KANK3: variants seen among roughly 807,000 people sequenced by gnomAD.
KANK3 encodes KN motif and ankyrin repeat domain-containing protein 3.
In KANK3, 61 loss-of-function variants were observed where a neutral mutation model predicts 65.4. The ratio of observed to expected loss-of-function variants is 0.93; its 90% CI spans 0.76 to 1.15. KANK3 has a LOEUF of 1.15. Among genes scored for constraint, KANK3 ranks in the 50% most tolerant of loss-of-function variants. The pLI, the probability that KANK3 is intolerant of heterozygous loss-of-function variation, is 0.00. For synonymous variants in KANK3, 586 were observed against 543.3 expected, an observed-to-expected ratio of 1.08 and a Z score of -1.09; for missense variants, 1,187 against 1,178.8, an observed-to-expected ratio of 1.01 and a Z score of -0.10.
Position 8,322,941 on chromosome 19 carries a change from A to T in KANK3, c.2383-19T>A. 7.3e-7 allele frequency: 1 copy of T among 1,372,412 alleles called. No homozygotes were observed. Among genetic ancestry groups the T allele is most frequent in the South Asian group, 1.4e-5 (1 of 71,572 alleles). 85.0% of individuals were successfully genotyped at this position (1,372,412 alleles called of 1,614,324 possible). On this transcript the variant is annotated intron_variant, in intron 10 of 10. Coordinates refer to ENST00000330915, the MANE Select transcript of KANK3 (RefSeq NM_198471.3). ...ACTCGCTCTGGAGAGAGGGGAAAAG[A>T]GGGGGGCCTGCTGCAATCTCCTTGA...
intron 10 of KANK3, 81 bp downstream of exon 10, chr19:8,324,368 G>T: frequency 1.6e-6 from 2 of 1,288,226 alleles, no homozygotes; most frequent in Non-Finnish European, 2.2e-6. Context: ...GAGCAGAAAG[G>T]GAGGCTCAGG....
chr19:8,331,679 G>A (rs1448345974), intron 7 of KANK3, among the ~76,000 whole-genome samples: 1 of 152,144 alleles, frequency 6.6e-6, no homozygotes, highest in East Asian at 1.9e-4. Flanking sequence ...CCCAGGAGGA[G>A]TCAGAGCCCT....
At chr19:8,342,948 G>C (rs1045610088) in intron 1 of KANK3, among the ~76,000 whole-genome samples, 13 of 152,164 alleles carry the variant, frequency 8.5e-5, no homozygotes, top group Admixed American at 1.3e-4. Flanking sequence ...TCCCAGGGCC[G>C]GTTGTGGCAT....
intron 9 of KANK3, 31 bp downstream of exon 9, chr19:8,324,599 C>T (rs1970385678): frequency 6.2e-7 from 1 of 1,612,632 alleles, no homozygotes; most frequent in Non-Finnish European, 8.5e-7. Context: ...TGGGCACCCC[C>T]CAAGATGCCA....
chr19:8,324,883 G>A (rs1970395143), intron 8 of KANK3, 53 bp from the exon 9 acceptor site: 1 of 1,558,612 alleles, frequency 6.4e-7, no homozygotes, highest in Non-Finnish European at 8.7e-7. Flanking sequence ...AGGGAAGGGA[G>A]GTCACAGGTT....
chr19:8,333,038 T>A lies in KANK3; in HGVS notation c.1912A>T (p.Ile638Phe). The A allele has an allele frequency of 1.5e-6, 2 of 1,337,886 alleles. No individual in the cohort carries two copies. The highest frequency in any genetic ancestry group is 2.0e-6 in the Non-Finnish European group (2 of 1,009,678). 82.9% of individuals were successfully genotyped at this position (1,337,886 alleles called of 1,614,324 possible). A position where few individuals can be genotyped will look rare whatever the true frequency, so the allele number is the denominator to read the frequency against. ...HYSVSHGNLAIASLLLDTGAC... is the reference protein window; with the variant it reads ...HYSVSHGNLAFASLLLDTGAC... ...CCCGTATCCAGGAGCAGGCTTGCGA[T>A]GGCCAGGTTCCCGTGGGACACACTG... is the stretch of plus-strand genomic sequence containing the variant. Residue 638 changes from isoleucine to phenylalanine, a missense_variant, in exon 7 of 11, where the codon ATC becomes TTC. Ile to Phe is a conservative substitution (Grantham distance 21, BLOSUM62 0). Transcript: ENST00000330915. This position sits in a 1 kb window ranked among gnomAD's most constrained non-coding sequence, Gnocchi z 5.0.
rs79602012 is a variant in KANK3 at position 8,322,790 on chromosome 19, G to A, written c.*49C>T. 3,793 of 1,405,014 alleles carry A rather than the reference G, an allele frequency of 2.7e-3. 80 individuals carry two copies. The African/African-American group carries it at 0.044, about 16-fold the overall frequency. 87.0% of individuals were successfully genotyped at this position (1,405,014 alleles called of 1,614,324 possible). ...CTGTGCGCCAAAGGCTGAGGTGACT[G>A]ACGAGGAGATCTCCCCACAGCTAGG... is the stretch of plus-strand genomic sequence containing the variant. On this transcript the variant is annotated 3_prime_UTR_variant, in exon 11 of 11. Coordinates refer to ENST00000330915, the MANE Select transcript of KANK3 (RefSeq NM_198471.3).
At position 8,337,802 on chromosome 19, in the gene KANK3, G is replaced by C; in HGVS notation, c.27C>G (p.Asn9Lys). Residue 9 changes from asparagine to lysine, a missense_variant, in exon 2 of 11, where the codon AAC (asparagine) becomes AAG (lysine). Physicochemically the swap from Asn to Lys is moderately conservative, Grantham distance 94. Coordinates refer to ENST00000330915, the MANE Select transcript of KANK3 (RefSeq NM_198471.3). MAKFALNQ[N>K]LPDLGGPRLC... ...CTCTTTTTGCACACTCACCGGGCAG[G>C]TTCTGATTCAGGGCAAACTTGGCCA... is the stretch of plus-strand genomic sequence containing the variant. 3 of 1,613,326 alleles carry C rather than the reference G, an allele frequency of 1.9e-6. No individual in the cohort carries two copies. The highest frequency in any genetic ancestry group is 2.5e-6 in the Non-Finnish European group (3 of 1,179,990).
Position 8,334,629 on chromosome 19 carries a change from C to T in KANK3, c.1198G>A (p.Ala400Thr). 6.4e-7 allele frequency: 1 copy of T among 1,553,790 alleles called. No homozygotes were observed. The highest frequency in any genetic ancestry group is 8.6e-7 in the Non-Finnish European group (1 of 1,157,360). The part of the protein sequence containing the change: ...AAGARAQLRE[A>T]TTQTPWSCAE... The stretch of plus-strand genomic sequence containing the variant: ...CAGCTCCACGGGGTCTGGGTGGTGG[C>T]CTCGCGTAGCTGGGCCCGGGCCCCC... The change falls in exon 3 of 11, where the codon GCC becomes ACC. Residue 400 changes from alanine (A) to threonine (T), a missense_variant. Physicochemically the swap from Ala to Thr is moderately conservative, Grantham distance 58 (BLOSUM62 0). Transcript: ENST00000330915.
rs1395204564 is a variant in KANK3 at position 8,335,545 on chromosome 19, G to A, written c.282C>T (p.Ser94=). 3.3e-6 allele frequency: 4 copies of A among 1,220,314 alleles called. No individual in the cohort carries two copies. In the East Asian group the frequency reaches 1.0e-4, roughly 31 times the overall value. 75.6% of individuals were successfully genotyped at this position (1,220,314 alleles called of 1,614,324 possible). ...GTGCTCCACCGTCGTCACTGGCCAG[G>A]GACTCGCTGGATGTCCAGGCGCCTG... ...RSPGAWTSSE[S]LASDDGGAPG... is the part of the protein sequence containing the mutation. Residue 94 remains serine, a synonymous_variant, in exon 3 of 11, where the codon TCC becomes TCT. Coordinates refer to ENST00000330915, the MANE Select transcript of KANK3 (RefSeq NM_198471.3).
At chr19:8,326,954 G>A (rs893226399) in intron 7 of KANK3, among the ~76,000 whole-genome samples, 8 of 152,180 alleles carry the variant, frequency 5.3e-5, no homozygotes, top group African/African-American at 1.9e-4. Context: ...CGTGAGCTCA[G>A]TTTCCTCTGG....
intron 1 of KANK3, among the ~76,000 whole-genome samples, chr19:8,342,586 G>C (rs12610494): frequency 0.12 from 17,950 of 151,988 alleles, 1,254 homozygotes; most frequent in Admixed American, 0.21. Flanking sequence ...CGGCAGGCCA[G>C]TGAGGATCCC....
intron 10 of KANK3, 113 bp from the exon 11 acceptor site, chr19:8,323,035 C>T (rs1201308243): frequency 6.7e-6 from 4 of 599,906 alleles, no homozygotes; most frequent in Non-Finnish European, 8.3e-6. Context: ...CCCAGGCTGC[C>T]TGGTTTGTAT....
At chr19:8,331,961 T>C (rs1398585127) in intron 7 of KANK3, among the ~76,000 whole-genome samples, 5 of 144,782 alleles carry the variant, frequency 3.5e-5, no homozygotes, top group African/African-American at 5.2e-5. Context: ...ACTAGGGGTA[T>C]GGTGGGGCCA....
At chr19:8,325,164 C>G (rs988699647) in intron 7 of KANK3, 68 bp from the exon 8 acceptor site, 2 of 1,505,570 alleles carry the variant, frequency 1.3e-6, no homozygotes, top group Admixed American at 2.2e-5. Flanking sequence ...CACTCACCTC[C>G]CTGCAAGCCT....
chr19:8,332,052 T>C (rs1970535071), intron 7 of KANK3, among the ~76,000 whole-genome samples: 1 of 134,272 alleles, frequency 7.4e-6, no homozygotes, highest in African/African-American at 2.9e-5. Context: ...AGTGCAGTGG[T>C]GCTCACTCTT....
intron 7 of KANK3, 27 bp downstream of exon 7, chr19:8,332,987 T>TTGGGGGCCCCCCC: frequency 2.5e-6 from 1 of 395,198 alleles, no homozygotes; most frequent in East Asian, 6.5e-5. Flanking sequence ...TTTCCTGGTG[T>TTGGGGGCCCCCCC]CCCACCCACC....
At chr19:8,337,199 ATTT>A (rs33926642) in intron 2 of KANK3, among the ~76,000 whole-genome samples, 32 of 88,850 alleles carry the variant, frequency 3.6e-4, no homozygotes, top group African/African-American at 1.4e-3. Context: ...TGCCTGGCTA[ATTT>A]TTTTTTTTTT....
intron 7 of KANK3, among the ~76,000 whole-genome samples, chr19:8,327,164 G>A (rs1017104507): frequency 6.6e-6 from 1 of 152,232 alleles, no homozygotes; most frequent in East Asian, 1.9e-4. Context: ...AGGAAGGAGA[G>A]CTGAGATGAG....
Sources: gnomAD v4.1 joint callset for allele counts (sites outside exome capture counted in the v4.1 genomes callset) on GRCh38, gnomAD v4.1.1 for gene constraint, Gnocchi (gnomAD v3.1) non-coding constraint, MANE v1.5 for transcripts, NCBI Gene and HGNC (gene_info 2026-07-23, HGNC 2026-07-21) for gene names.